Variants in FBXL13 observed in about 807,000 individuals in gnomAD.
FBXL13 encodes the protein F-box and leucine rich repeat protein 13, also known as F-box and leucine-rich repeat protein 13.
Under a neutral mutation model 83.6 loss-of-function variants are expected in FBXL13, and 67 were observed. The observed-to-expected ratio is 0.80, with a 90% confidence interval of 0.66 to 0.98. FBXL13 has a LOEUF of 0.98. Among genes scored for constraint, FBXL13 ranks in the 50% least tolerant of loss-of-function variants. The pLI is 0.00. For synonymous variants in FBXL13, 272 were observed against 299.5 expected (o/e 0.91, Z 0.95); for missense variants, 822 against 866.5 (o/e 0.95, Z 0.64).
In FBXL13 at chr7:102,883,261, A is replaced by T. The variant is rs376714993; in HGVS notation, c.1388+44T>A. 1.8e-5 allele frequency: 28 copies of T among 1,562,932 alleles called. No homozygotes were observed. The Middle Eastern group carries it at 5.1e-4, about 29-fold the overall frequency. ...CTTAGGAGAGAACCTGGCACATACT[A>T]GATAATCAACGTTTCTTGAATATAT... On this transcript the variant is annotated intron_variant, in intron 14 of 19. Coordinates refer to ENST00000313221, the Ensembl canonical transcript of FBXL13.
chr7:102,811,901 G>A (rs1366834276), downstream of FBXL13, among the ~76,000 whole-genome samples: 1 of 152,184 alleles, frequency 6.6e-6, no homozygotes, highest in African/African-American at 2.4e-5. Context: ...AACTTTGCAA[G>A]TCAACCTCAG....
chr7:102,963,494 C>G, intron 8 of FBXL13, 39 bp downstream of exon 9: 1 of 1,598,438 alleles, frequency 6.3e-7, no homozygotes, highest in South Asian at 1.2e-5. Context: ...AATTGTAATA[C>G]AGGAAAGCAA....
At chr7:103,028,511 C>T in intron 4 of FBXL13, 89 bp downstream of exon 5, 5 of 905,372 alleles carry the variant, frequency 5.5e-6, no homozygotes, top group Non-Finnish European at 7.6e-6. Flanking sequence ...GATAGGTTCT[C>T]TAAGTACCCA....
At chr7:102,924,991 T>G (rs1176257331) in intron 10 of FBXL13, among the ~76,000 whole-genome samples, 2 of 152,208 alleles carry the variant, frequency 1.3e-5, no homozygotes, top group Non-Finnish European at 2.9e-5. Context: ...AAAAGCTATA[T>G]TCTCAAAAAT....
At chr7:102,871,350 C>A (rs1039134443) in intron 16 of FBXL13, among the ~76,000 whole-genome samples, 2 of 151,956 alleles carry the variant, frequency 1.3e-5, no homozygotes, top group South Asian at 4.2e-4. Context: ...AGAGGTGGGA[C>A]CTCCATCCTC....
chr7:103,050,752 C>T (rs1796725661), intron 2 of FBXL13, among the ~76,000 whole-genome samples: 1 of 152,202 alleles, frequency 6.6e-6, no homozygotes, highest in Admixed American at 6.5e-5. Context: ...GCATCTTTTC[C>T]AGCAATCCCA....
chr7:102,876,488 A>C (rs1445895729), intron 16 of FBXL13, among the ~76,000 whole-genome samples: 1 of 152,144 alleles, frequency 6.6e-6, no homozygotes, highest in Non-Finnish European at 1.5e-5. Context: ...TCATAGATAA[A>C]GAAAGGAAAG....
chr7:102,933,813 C>G, intron 8 of FBXL13: 1 of 1,292,542 alleles, frequency 7.7e-7, no homozygotes. Flanking sequence ...CTCATTGTTC[C>G]AGAACTGCAT....
At chr7:103,042,294 C>G (rs1324749252) in intron 2 of FBXL13, among the ~76,000 whole-genome samples, 2 of 152,156 alleles carry the variant, frequency 1.3e-5, no homozygotes, top group African/African-American at 2.4e-5. Context: ...TCAAGGAGAA[C>G]TACAAACTAC....
intron 11 of FBXL13, among the ~76,000 whole-genome samples, chr7:102,900,405 AC>A (rs781610529): frequency 5.5e-4 from 84 of 152,292 alleles, no homozygotes; most frequent in Admixed American, 9.2e-4. Context: ...TTTTATTGAG[AC>A]CTTTTTTCTT....
chr7:102,990,382 T>C (rs766443681), intron 6 of FBXL13, among the ~76,000 whole-genome samples: 1 of 152,184 alleles, frequency 6.6e-6, no homozygotes, highest in Non-Finnish European at 1.5e-5. Context: ...GAAGGGATCA[T>C]AGGCAATCAG....
chr7:103,048,829 A>G (rs949352782), intron 2 of FBXL13, among the ~76,000 whole-genome samples: 5 of 152,232 alleles, frequency 3.3e-5, no homozygotes, highest in Admixed American at 6.5e-5. Flanking sequence ...AATTTAAAAC[A>G]ATCCTTTAAC....
At chr7:102,865,806 A>G in intron 16 of FBXL13, among the ~76,000 whole-genome samples, 1 of 152,020 alleles carries the variant, frequency 6.6e-6, no homozygotes, top group Non-Finnish European at 1.5e-5. Flanking sequence ...GGCCTCCCAA[A>G]GTGCTGGGAT....
chr7:103,036,670 C>T (rs899191650), intron 2 of FBXL13, among the ~76,000 whole-genome samples: 5 of 152,102 alleles, frequency 3.3e-5, no homozygotes, highest in African/African-American at 7.2e-5. Flanking sequence ...CACCACCACA[C>T]GTAGCTAATT....
At chr7:103,035,594 TA>T (rs979747090) in intron 2 of FBXL13, among the ~76,000 whole-genome samples, 1 of 152,208 alleles carries the variant, frequency 6.6e-6, no homozygotes, top group East Asian at 1.9e-4. Flanking sequence ...TTACTATATG[TA>T]AAAAAATGCA....
chr7:102,867,453 A>G (rs551238654), intron 16 of FBXL13, among the ~76,000 whole-genome samples: 1 of 151,838 alleles, frequency 6.6e-6, no homozygotes, highest in Non-Finnish European at 1.5e-5. Flanking sequence ...TAACTTGTAG[A>G]GATGGGGAAA....
At chr7:102,816,055 T>C (rs1411004777) in intron 19 of FBXL13, 3 of 152,218 alleles carry the variant, frequency 2.0e-5, no homozygotes, top group African/African-American at 7.2e-5. Flanking sequence ...TGCCCACTGG[T>C]ATATGCATTT....
chr7:102,822,091 C>T (rs77788049), exon 19 of FBXL13: 1 of 1,614,058 alleles, frequency 6.2e-7, no homozygotes, highest in African/African-American at 1.3e-5. Context: ...TTGTTTGCAG[C>T]CTATCTGAAG....
At chr7:102,900,996 T>A (rs140790719) in intron 11 of FBXL13, among the ~76,000 whole-genome samples, 3 of 152,312 alleles carry the variant, frequency 2.0e-5, no homozygotes, top group Admixed American at 6.5e-5. Context: ...AGGCAGGCAA[T>A]GCGATTAAGT....
Sources: gnomAD v4.1 joint callset for allele counts (sites outside exome capture counted in the v4.1 genomes callset) on GRCh38, gnomAD v4.1.1 for gene constraint, MANE v1.5 for transcripts, NCBI Gene and HGNC (gene_info 2026-07-23, HGNC 2026-07-21) for gene names.